Variants in CFAP210 observed in about 807,000 individuals in gnomAD.
CFAP210 encodes the protein cilia and flagella associated protein 210.
chr2:169,649,388 A>G, the CFAP210 span: 1 of 1,553,076 alleles, frequency 6.4e-7, no homozygotes, highest in Admixed American at 1.8e-5. Context: ...AACCAGTTAT[A>G]GCAACCAGTC....
At chr2:169,694,176 A>G in the CFAP210 span, 1 of 1,302,826 alleles carries the variant, frequency 7.7e-7, no homozygotes, top group South Asian at 1.2e-5. Flanking sequence ...AGGCAACTGA[A>G]GCCCTCATTC....
At chr2:169,689,388 T>A in the CFAP210 span, among the ~76,000 whole-genome samples, 1 of 152,356 alleles carries the variant, frequency 6.6e-6, no homozygotes, top group South Asian at 2.1e-4. Flanking sequence ...TTGGTGCTAT[T>A]GTAAATGGAA....
At chr2:169,646,237 C>T in the CFAP210 span, 1 of 1,263,760 alleles carries the variant, frequency 7.9e-7, no homozygotes, top group East Asian at 2.3e-5. Context: ...CATGAACTTT[C>T]TAAATATACA....
At chr2:169,685,246 A>G in the CFAP210 span, among the ~76,000 whole-genome samples, 2 of 152,196 alleles carry the variant, frequency 1.3e-5, no homozygotes, top group Non-Finnish European at 2.9e-5. Context: ...GAAGGTTTCA[A>G]TTTCTCCACA....
At chr2:169,686,687 A>T in the CFAP210 span, among the ~76,000 whole-genome samples, 1 of 152,088 alleles carries the variant, frequency 6.6e-6, no homozygotes, top group Non-Finnish European at 1.5e-5. Flanking sequence ...TCACAGCAAG[A>T]CCCCATTTCT....
chr2:169,663,456 C>A, the CFAP210 span, among the ~76,000 whole-genome samples: 53 of 152,294 alleles, frequency 3.5e-4, no homozygotes, highest in Non-Finnish European at 5.7e-4. Context: ...CCGCCTAAGC[C>A]TCCCAAAGTG....
the CFAP210 span, among the ~76,000 whole-genome samples, chr2:169,667,472 C>A: frequency 6.6e-6 from 1 of 152,036 alleles, no homozygotes; most frequent in Non-Finnish European, 1.5e-5. Context: ...AATGGTGAAT[C>A]CTTTCCAGAA....
chr2:169,652,382 T>C, the CFAP210 span, among the ~76,000 whole-genome samples: 174 of 152,344 alleles, frequency 1.1e-3, 1 homozygote, highest in African/African-American at 3.8e-3. Context: ...AACAGTTTTA[T>C]TGATTGCTTA....
At chr2:169,645,610 A>G in the CFAP210 span, 1 of 463,994 alleles carries the variant, frequency 2.2e-6, no homozygotes, top group Non-Finnish European at 3.8e-6. Flanking sequence ...AATGTACTTA[A>G]TACCACTGAA....
chr2:169,688,942 C>T, the CFAP210 span, among the ~76,000 whole-genome samples: 5 of 152,162 alleles, frequency 3.3e-5, no homozygotes, highest in South Asian at 1.0e-3. Flanking sequence ...TAAAGACATA[C>T]CTAAGACTGG....
At chr2:169,653,479 T>C in the CFAP210 span, among the ~76,000 whole-genome samples, 3 of 152,032 alleles carry the variant, frequency 2.0e-5, no homozygotes, top group Non-Finnish European at 4.4e-5. Flanking sequence ...GAAAGCATGA[T>C]TTAGACAGAA....
chr2:169,653,037 T>C, the CFAP210 span, among the ~76,000 whole-genome samples: 1 of 31,824 alleles, frequency 3.1e-5, no homozygotes, highest in Non-Finnish European at 5.3e-5. Flanking sequence ...AAAATATATA[T>C]ATATATATAT....
the CFAP210 span, among the ~76,000 whole-genome samples, chr2:169,668,365 A>G: frequency 6.6e-6 from 1 of 152,212 alleles, no homozygotes; most frequent in African/African-American, 2.4e-5. Flanking sequence ...AATTTTCTCC[A>G]TATCAGCAGT....
At chr2:169,674,521 A>T in the CFAP210 span, 1 of 1,370,060 alleles carries the variant, frequency 7.3e-7, no homozygotes, top group African/African-American at 1.5e-5. Context: ...GAAAAAAGCT[A>T]CATCCATTAT....
At chr2:169,678,651 C>T in the CFAP210 span, among the ~76,000 whole-genome samples, 4 of 151,870 alleles carry the variant, frequency 2.6e-5, no homozygotes, top group Non-Finnish European at 5.9e-5. Context: ...ATGATGAAAC[C>T]CAGTCTCTAC....
the CFAP210 span, among the ~76,000 whole-genome samples, chr2:169,692,444 G>GCGCGCACACACA: frequency 4.9e-5 from 7 of 143,668 alleles, no homozygotes; most frequent in Non-Finnish European, 9.1e-5. Context: ...ACAGGCGCAC[G>GCGCGCACACACA]CACACACACA....
chr2:169,652,448 C>A, the CFAP210 span, among the ~76,000 whole-genome samples: 20 of 151,876 alleles, frequency 1.3e-4, no homozygotes, highest in Non-Finnish European at 2.9e-5. Context: ...TGAACAAAAA[C>A]ATTAGAAGTT....
chr2:169,656,237 C>A, the CFAP210 span, among the ~76,000 whole-genome samples: 42 of 151,636 alleles, frequency 2.8e-4, no homozygotes, highest in African/African-American at 1.0e-3. Flanking sequence ...CTGCAGTGAG[C>A]CAACATCGTG....
At chr2:169,680,925 ATT>A in the CFAP210 span, 1 of 1,207,620 alleles carries the variant, frequency 8.3e-7, no homozygotes, top group Non-Finnish European at 1.2e-6. Flanking sequence ...ATGTAAAAAA[ATT>A]TATAAAAAGA....
Sources: allele counts gnomAD v4.1 joint callset (sites outside exome capture counted in the v4.1 genomes callset), GRCh38; gene constraint gnomAD v4.1.1; transcripts MANE v1.5; gene names NCBI Gene and HGNC (gene_info 2026-07-23, HGNC 2026-07-21).